Variants in CACNA2D3 observed in about 807,000 individuals in gnomAD.
CACNA2D3 encodes the protein calcium voltage-gated channel auxiliary subunit alpha2delta 3.
Under a neutral mutation model 160.6 loss-of-function variants are expected in CACNA2D3, and 60 were observed. That is an observed-to-expected ratio of 0.37 (90% CI 0.30 to 0.46). CACNA2D3 has a LOEUF of 0.46. Ranked by LOEUF, CACNA2D3 falls within the 20% of genes least tolerant of loss-of-function variation. CACNA2D3 has a pLI of 1.00. For missense variants in CACNA2D3, 1,205 were observed against 1,365.0 expected (o/e 0.88, Z 1.85); for synonymous variants, 558 against 492.9 (o/e 1.13, Z -1.75).
intron 11 of CACNA2D3, among the ~76,000 whole-genome samples, chr3:54,684,991 T>G (rs555332028): frequency 1.3e-5 from 2 of 152,148 alleles, no homozygotes; most frequent in Non-Finnish European, 2.9e-5. Context: ...CAGCAAGACA[T>G]GAAAACCCTG....
intron 3 of CACNA2D3, among the ~76,000 whole-genome samples, chr3:54,367,300 G>A (rs1698842793): frequency 6.6e-6 from 1 of 152,118 alleles, no homozygotes; most frequent in Non-Finnish European, 1.5e-5. Flanking sequence ...ATTACAAAAA[G>A]GCAGACCACT....
At chr3:54,801,864 T>G (rs1702996139) in intron 13 of CACNA2D3, among the ~76,000 whole-genome samples, 2 of 152,130 alleles carry the variant, frequency 1.3e-5, no homozygotes, top group Non-Finnish European at 1.5e-5. Flanking sequence ...CACTATTAAA[T>G]TATGTATGTC....
intron 27 of CACNA2D3, among the ~76,000 whole-genome samples, chr3:54,950,170 A>G (rs1515955): frequency 0.45 from 69,009 of 152,072 alleles, 16,522 homozygotes; most frequent in East Asian, 0.75. Flanking sequence ...AACTATTTCC[A>G]TACAGCCGAG....
At chr3:54,625,624 G>C (rs1032949067) in intron 9 of CACNA2D3, among the ~76,000 whole-genome samples, 2 of 152,136 alleles carry the variant, frequency 1.3e-5, no homozygotes, top group African/African-American at 4.8e-5. Flanking sequence ...ATGTGCCCAA[G>C]GTGAGCCACC....
intron 2 of CACNA2D3, among the ~76,000 whole-genome samples, chr3:54,189,075 A>G (rs975812048): frequency 2.0e-5 from 3 of 152,240 alleles, no homozygotes; most frequent in Non-Finnish European, 4.4e-5. Flanking sequence ...AGCATGAGCT[A>G]AAGTAACCCC....
chr3:54,530,905 C>T (rs1183531159), intron 5 of CACNA2D3, among the ~76,000 whole-genome samples: 1 of 152,164 alleles, frequency 6.6e-6, no homozygotes, highest in Non-Finnish European at 1.5e-5. Context: ...ACACTGGCAC[C>T]ACTGAGACCG....
intron 11 of CACNA2D3, among the ~76,000 whole-genome samples, chr3:54,718,737 T>C (rs1701111203): frequency 6.6e-6 from 1 of 152,104 alleles, no homozygotes; most frequent in South Asian, 2.1e-4. Context: ...TTGATTGCGA[T>C]TGAGTTGAAT....
intron 11 of CACNA2D3, among the ~76,000 whole-genome samples, chr3:54,709,121 C>T (rs1362482440): frequency 4.0e-5 from 6 of 151,606 alleles, no homozygotes; most frequent in East Asian, 1.9e-4. Flanking sequence ...GCAATTCTCC[C>T]GCCTCAGCCT....
At chr3:54,299,274 A>G (rs919083570) in intron 2 of CACNA2D3, among the ~76,000 whole-genome samples, 12 of 151,292 alleles carry the variant, frequency 7.9e-5, no homozygotes, top group African/African-American at 2.4e-4. Flanking sequence ...GGAGGAGGGT[A>G]CAGGGCCCCA....
rs192612861 is a variant in CACNA2D3 at position 54,527,243 on chromosome 3, A to G, written c.544+23589A>G. On this transcript the variant is annotated intron_variant, in intron 5 of 37. Transcript: ENST00000474759. ...CCCTTCCCAATTGTTTTCCACTACA[A>G]CCTCCACTATTTTCCAGAGTGTCCT... 2.2e-3 allele frequency among the ~76,000 whole-genome samples: 327 copies of G among 151,922 alleles called. 2 individuals carry two copies. The East Asian group carries it at 0.025, about 12-fold the overall frequency.
chr3:54,822,862 T>G (rs1703669555), intron 14 of CACNA2D3, among the ~76,000 whole-genome samples: 1 of 148,928 alleles, frequency 6.7e-6, no homozygotes, highest in Admixed American at 6.8e-5. Context: ...CTTTCTTTCT[T>G]TTTAAATTTG....
chr3:54,453,772 G>A (rs1212628542), intron 4 of CACNA2D3, among the ~76,000 whole-genome samples: 59 of 152,182 alleles, frequency 3.9e-4, no homozygotes, highest in Admixed American at 3.9e-3. Flanking sequence ...ATATGCCAGA[G>A]AAAAGGACCT....
chr3:54,435,209 C>T (rs567104446), intron 4 of CACNA2D3, among the ~76,000 whole-genome samples: 1 of 152,128 alleles, frequency 6.6e-6, no homozygotes. Flanking sequence ...CACTCCACTC[C>T]CCTGCCCTTT....
At chr3:54,554,868 C>CTTTTTTTT (rs1248489904) in intron 5 of CACNA2D3, among the ~76,000 whole-genome samples, 2 of 88,170 alleles carry the variant, frequency 2.3e-5, no homozygotes, top group African/African-American at 5.0e-5. Context: ...CTCTCTCACT[C>CTTTTTTTT]TCTTTTTTTT....
intron 35 of CACNA2D3, among the ~76,000 whole-genome samples, chr3:55,033,859 A>G (rs1204813509): frequency 1.8e-5 from 2 of 111,892 alleles, no homozygotes; most frequent in African/African-American, 6.6e-5. Flanking sequence ...TATTAAATAT[A>G]TTTAATATAT....
At chr3:54,372,200 C>G (rs1392066736) in intron 3 of CACNA2D3, among the ~76,000 whole-genome samples, 1 of 152,162 alleles carries the variant, frequency 6.6e-6, no homozygotes, top group East Asian at 1.9e-4. Flanking sequence ...CACTAAAGTT[C>G]AAATATATTT....
intron 10 of CACNA2D3, among the ~76,000 whole-genome samples, chr3:54,636,593 G>A (rs1184733568): frequency 1.3e-5 from 2 of 152,044 alleles, no homozygotes; most frequent in Non-Finnish European, 2.9e-5. Context: ...ATGAGGGCTA[G>A]GCTAAAACAG....
At chr3:54,406,608 A>G (rs529689685) in intron 4 of CACNA2D3, among the ~76,000 whole-genome samples, 41 of 152,268 alleles carry the variant, frequency 2.7e-4, no homozygotes, top group African/African-American at 8.9e-4. Context: ...CTAAAAAAAC[A>G]AAAAGTGGTT....
intron 16 of CACNA2D3, among the ~76,000 whole-genome samples, 161 bp downstream of exon 16, chr3:54,838,809 G>T (rs1474311934): frequency 6.6e-6 from 1 of 151,756 alleles, no homozygotes; most frequent in East Asian, 1.9e-4. Flanking sequence ...TTATTTAAAA[G>T]GTTTTTTTTT....
Sources: allele counts gnomAD v4.1 joint callset (sites outside exome capture counted in the v4.1 genomes callset), GRCh38; gene constraint gnomAD v4.1.1; transcripts MANE v1.5; gene names NCBI Gene and HGNC (gene_info 2026-07-23, HGNC 2026-07-21).